OSBPL10: variants seen among roughly 807,000 people sequenced by gnomAD.
OSBPL10 encodes oxysterol-binding protein-related protein 10.
Under a neutral mutation model 81.7 loss-of-function variants are expected in OSBPL10, and 49 were observed. That is an observed-to-expected ratio of 0.60 (90% CI 0.48 to 0.76). OSBPL10 has a LOEUF of 0.76. OSBPL10 is among the 30% of genes least tolerant of loss of function. The pLI, the probability that OSBPL10 is intolerant of heterozygous loss-of-function variation, is 0.00. For missense variants in OSBPL10, 923 were observed against 987.8 expected, an observed-to-expected ratio of 0.93 and a Z score of 0.88; for synonymous variants, 419 against 383.6, an observed-to-expected ratio of 1.09 and a Z score of -1.08.
intron 1 of OSBPL10, among the ~76,000 whole-genome samples, chr3:32,072,079 C>T (rs1341279144): frequency 6.6e-6 from 1 of 152,128 alleles, no homozygotes. Flanking sequence ...TTCACTCAAG[C>T]CCTCACTCTT....
chr3:31,976,739 G>T (rs1698703112), intron 1 of OSBPL10, among the ~76,000 whole-genome samples: 1 of 152,138 alleles, frequency 6.6e-6, no homozygotes, highest in African/African-American at 2.4e-5. Context: ...TTACAGATGT[G>T]AGCCAATGCA....
intron 1 of OSBPL10, among the ~76,000 whole-genome samples, chr3:31,953,225 G>A (rs113168509): frequency 2.0e-4 from 31 of 152,018 alleles, no homozygotes; most frequent in African/African-American, 6.3e-4. Flanking sequence ...GAGCCAGCGC[G>A]CCCGGTCCTC....
At chr3:32,020,067 A>C (rs1433056581) in intron 2 of OSBPL10, among the ~76,000 whole-genome samples, 1 of 152,236 alleles carries the variant, frequency 6.6e-6, no homozygotes, top group East Asian at 1.9e-4. Flanking sequence ...CTGGATGCTT[A>C]ATCCACTCTT....
intron 3 of OSBPL10, among the ~76,000 whole-genome samples, chr3:31,843,841 C>T (rs1213184853): frequency 6.6e-6 from 1 of 152,174 alleles, no homozygotes; most frequent in Admixed American, 6.5e-5. Context: ...ATACCCCGTG[C>T]TCAGGGAGTC....
At chr3:31,826,422 C>T (rs1239460034) in intron 4 of OSBPL10, among the ~76,000 whole-genome samples, 6 of 152,132 alleles carry the variant, frequency 3.9e-5, no homozygotes, top group African/African-American at 7.2e-5. Flanking sequence ...TGCTGGGTTC[C>T]GACCTTTGGT....
At chr3:31,723,571 C>CA (rs376763435) in intron 6 of OSBPL10, among the ~76,000 whole-genome samples, 13,517 of 151,042 alleles carry the variant, frequency 0.089, 1,520 homozygotes, top group African/African-American at 0.27. Flanking sequence ...CACACACACA[C>CA]CCCTTTCCCT....
chr3:31,903,026 T>G (rs1696296107), intron 1 of OSBPL10, among the ~76,000 whole-genome samples: 1 of 152,204 alleles, frequency 6.6e-6, no homozygotes, highest in Non-Finnish European at 1.5e-5. Flanking sequence ...TCCCATGCCC[T>G]TCCTTCCTCC....
intron 3 of OSBPL10, among the ~76,000 whole-genome samples, chr3:31,858,367 G>GT (rs1307806705): frequency 1.3e-5 from 2 of 152,056 alleles, no homozygotes; most frequent in Non-Finnish European, 1.5e-5. Flanking sequence ...CAGAAGCTCA[G>GT]TTTTTTATCA....
At position 31,995,841 on chromosome 3, in the gene OSBPL10, T is replaced by C. The variant is rs80303121; in HGVS notation, n.298+50650A>G. On this transcript the variant is annotated intron_variant and non_coding_transcript_variant, in intron 2 of 3. Coordinates refer to the OSBPL10 transcript ENST00000479173. The stretch of plus-strand genomic sequence containing the variant: ...TTTAAAGAGCCACAGGAAGTCCCTA[T>C]CCAGAGATGAAGTGACATGCAGTTA... Among the ~76,000 whole-genome samples, 1,366 of 152,214 alleles carry C rather than the reference T, an allele frequency of 9.0e-3. 52 individuals are homozygous for C. In the East Asian group the frequency reaches 0.15, roughly 16 times the overall value.
intron 6 of OSBPL10, among the ~76,000 whole-genome samples, chr3:31,722,860 C>T: frequency 6.6e-6 from 1 of 152,076 alleles, no homozygotes; most frequent in Non-Finnish European, 1.5e-5. Context: ...GATACTCTTA[C>T]AATATTAATT....
intron 3 of OSBPL10, among the ~76,000 whole-genome samples, chr3:31,855,705 C>T (rs1700893314): frequency 6.6e-6 from 1 of 152,174 alleles, no homozygotes; most frequent in South Asian, 2.1e-4. Flanking sequence ...AGCATTCATT[C>T]GTTCTTCTAA....
intron 1 of OSBPL10, among the ~76,000 whole-genome samples, chr3:31,929,597 A>C (rs1188284188): frequency 6.6e-6 from 1 of 151,770 alleles, no homozygotes; most frequent in African/African-American, 2.4e-5. Context: ...AATACAAAAA[A>C]ATTAGCTGGG....
chr3:31,949,698 A>AAAAAAG (rs1559529082), intron 1 of OSBPL10, among the ~76,000 whole-genome samples: 1 of 139,870 alleles, frequency 7.1e-6, no homozygotes. Context: ...AAAAAAAAAA[A>AAAAAAG]AAGGATACTG....
intron 1 of OSBPL10, among the ~76,000 whole-genome samples, chr3:31,940,843 T>C (rs913954143): frequency 6.6e-6 from 1 of 152,128 alleles, no homozygotes; most frequent in Non-Finnish European, 1.5e-5. Context: ...TTTCACCATA[T>C]TGGCCAGGTT....
At chr3:32,069,353 C>T (rs530456761) in intron 1 of OSBPL10, among the ~76,000 whole-genome samples, 34 of 152,214 alleles carry the variant, frequency 2.2e-4, no homozygotes, top group African/African-American at 5.3e-4. Context: ...AGCAGTTCCC[C>T]GAGAAGATCC....
intron 4 of OSBPL10, among the ~76,000 whole-genome samples, chr3:31,820,121 G>T (rs1699943489): frequency 6.6e-6 from 1 of 152,074 alleles, no homozygotes; most frequent in Non-Finnish European, 1.5e-5. Flanking sequence ...CTTAATATAG[G>T]GAAAATAATA....
At chr3:31,703,664 G>A (rs530840279) in intron 6 of OSBPL10, 13 of 152,308 alleles carry the variant, frequency 8.5e-5, no homozygotes, top group Middle Eastern at 3.4e-3. Flanking sequence ...TAATAACGGT[G>A]TTCCTTCCCT....
At chr3:32,041,805 G>A (rs983244201) in intron 2 of OSBPL10, among the ~76,000 whole-genome samples, 1 of 152,106 alleles carries the variant, frequency 6.6e-6, no homozygotes. Flanking sequence ...TTTCAGGCAT[G>A]TGCCACCACA....
At chr3:32,070,403 T>C (rs1003817986) in intron 1 of OSBPL10, among the ~76,000 whole-genome samples, 10 of 152,194 alleles carry the variant, frequency 6.6e-5, no homozygotes, top group African/African-American at 2.4e-4. Context: ...TCCCTGATTA[T>C]TCCTGGACTA....
Sources: gnomAD v4.1 joint callset for allele counts (sites outside exome capture counted in the v4.1 genomes callset) on GRCh38, gnomAD v4.1.1 for gene constraint, MANE v1.5 for transcripts, NCBI Gene and HGNC (gene_info 2026-07-23, HGNC 2026-07-21) for gene names.